CHFR: variants seen among roughly 807,000 people sequenced by gnomAD.
CHFR encodes checkpoint with forkhead and ring finger domains, also known as E3 ubiquitin-protein ligase CHFR.
In CHFR, 57 loss-of-function variants were observed where a neutral mutation model predicts 87.6. That is an observed-to-expected ratio of 0.65 (90% CI 0.53 to 0.81). The LOEUF (loss-of-function observed/expected upper bound fraction) is 0.81. Ranked by LOEUF, CHFR falls within the 30% of genes least tolerant of loss-of-function variation. The pLI, the probability that CHFR is intolerant of heterozygous loss-of-function variation, is 0.00. For synonymous variants in CHFR, 381 were observed against 359.2 expected (o/e 1.06, Z -0.69); for missense variants, 797 against 865.8 (o/e 0.92, Z 1.00).
At chr12:132,857,610 G>A (rs772976116) in intron 8 of CHFR, 51 bp from the exon 9 acceptor site, 49 of 1,577,296 alleles carry the variant, frequency 3.1e-5, no homozygotes, top group Non-Finnish European at 4.1e-5. Context: ...ATGCAACCGC[G>A]ACCCTCGACC....
In CHFR at chr12:132,861,600, A is replaced by G; in HGVS notation, c.618T>C (p.Ser206=). ...CTTCATCACTTGCCACAGAGGGACC[A>G]CTTCCTTTAGGGGAGATGCCACCAC... The part of the protein sequence containing the change: ...SGGGGISPKG[S]GPSVASDEVS... The change falls in exon 7 of 18, where the codon AGT becomes AGC. Residue 206 remains serine, a synonymous_variant. Transcript: ENST00000450056. The G allele has an allele frequency of 6.2e-7, 1 of 1,614,186 alleles. No individual in the cohort carries two copies. The highest frequency in any genetic ancestry group is 1.1e-5 in the South Asian group (1 of 91,088).
At chr12:132,877,199 A>C (rs1566202851) in intron 3 of CHFR, among the ~76,000 whole-genome samples, 2 of 152,178 alleles carry the variant, frequency 1.3e-5, no homozygotes, top group African/African-American at 4.8e-5. Context: ...AAATACTCTT[A>C]CCATTGTGTT....
At chr12:132,845,990 T>C (rs1434079960) in intron 15 of CHFR, among the ~76,000 whole-genome samples, 2 of 152,224 alleles carry the variant, frequency 1.3e-5, no homozygotes, top group South Asian at 4.1e-4. Flanking sequence ...TATGAAGGGC[T>C]GTAGAAGCTC....
rs1165245685 is a variant in CHFR, at chr12:132,840,124, T to C, written c.*1430A>G. 2 of 153,562 alleles carry C rather than the reference T, an allele frequency of 1.3e-5. No individual in the cohort carries two copies. Among genetic ancestry groups the C allele is most frequent in the African/African-American group, 4.8e-5 (2 of 41,472 alleles). 9.5% of individuals were successfully genotyped at this position (153,562 alleles called of 1,614,324 possible). ...AGGGTCTCTGCATTGTGGCTTCTTC[T>C]GGTGCTCAGCTGAAGACAAAGCCTC... On this transcript the variant is annotated 3_prime_UTR_variant, in exon 18 of 18. Coordinates refer to ENST00000450056, the MANE Select transcript of CHFR (RefSeq NM_001161346.2).
intron 14 of CHFR, 57 bp downstream of exon 14, chr12:132,848,028 G>A: frequency 1.2e-6 from 2 of 1,612,776 alleles, no homozygotes; most frequent in Admixed American, 1.7e-5. Flanking sequence ...AGAACCAGCT[G>A]GCTGCACTAG....
intron 10 of CHFR, among the ~76,000 whole-genome samples, chr12:132,855,346 C>G (rs1269357725): frequency 6.6e-6 from 1 of 151,988 alleles, no homozygotes; most frequent in Non-Finnish European, 1.5e-5. Flanking sequence ...CGCTTGAACC[C>G]GGGAGGCGGA....
At chr12:132,859,493 G>A (rs936458602) in intron 7 of CHFR, among the ~76,000 whole-genome samples, 1 of 152,030 alleles carries the variant, frequency 6.6e-6, no homozygotes, top group Non-Finnish European at 1.5e-5. Context: ...TGGGACTACA[G>A]GTGCCCACCA....
In CHFR at chr12:132,843,190, C is replaced by T. The variant is rs551933863; in HGVS notation, c.1844-107G>A. On this transcript the variant is annotated intron_variant, in intron 16 of 17. Transcript: ENST00000450056. The stretch of plus-strand genomic sequence containing the variant: ...CGACAGACGCTGCGGTGGAAACGCA[C>T]GGCCTCTGGTCCCTCCATAACTAGT... 3.5e-4 allele frequency: 329 copies of T among 948,960 alleles called. 4 individuals carry two copies. In the South Asian group the frequency reaches 4.2e-3, roughly 12 times the overall value. 58.8% of individuals were successfully genotyped at this position (948,960 alleles called of 1,614,324 possible).
rs149249950 is a variant in CHFR at position 132,848,576 on chromosome 12, C to T, written c.1576+65G>A. The T allele has an allele frequency of 9.6e-5, 121 of 1,255,506 alleles. No individual in the cohort carries two copies. In the African/African-American group the frequency reaches 1.2e-3, roughly 13 times the overall value. The allele number at this position is 1,255,506 out of a possible 1,614,324, so 77.8% of individuals were successfully genotyped here. A position where few individuals can be genotyped will look rare whatever the true frequency, so the allele number is the denominator to read the frequency against. On this transcript the variant is annotated intron_variant, in intron 13 of 17. Coordinates refer to ENST00000450056, the MANE Select transcript of CHFR (RefSeq NM_001161346.2). ...AGGCTATGGACCCCACCATCCCCTG[C>T]CCTCAAGTTCACCAAGAGAACATGC...
chr12:132,870,843 T>C, intron 4 of CHFR, 60 bp from the exon 5 acceptor site: 1 of 1,029,774 alleles, frequency 9.7e-7, no homozygotes, highest in Non-Finnish European at 1.5e-6. Context: ...GAGAACTCAT[T>C]TTTCTCTTCT....
chr12:132,848,942 A>C, intron 12 of CHFR: 1 of 523,896 alleles, frequency 1.9e-6, no homozygotes, highest in South Asian at 2.9e-5. Flanking sequence ...CGAGGCTCAC[A>C]TTTTCTGGTT....
chr12:132,855,540 G>A (rs776983762), intron 10 of CHFR, among the ~76,000 whole-genome samples: 4 of 151,692 alleles, frequency 2.6e-5, no homozygotes, highest in Admixed American at 1.3e-4. Context: ...GGTGGCATGC[G>A]CCTGTAGTCC....
chr12:132,856,386 C>T, intron 10 of CHFR, 82 bp downstream of exon 10: 1 of 1,459,456 alleles, frequency 6.9e-7, no homozygotes, highest in African/African-American at 1.4e-5. Flanking sequence ...CCCATGCTGT[C>T]CACCCAGTAG....
intron 4 of CHFR, among the ~76,000 whole-genome samples, chr12:132,871,712 C>A (rs892277478): frequency 6.6e-6 from 1 of 151,860 alleles, no homozygotes; most frequent in East Asian, 1.9e-4. Context: ...GTGGAGATTG[C>A]GGTGAGCTGA....
chr12:132,852,543 AG>A (rs1009212988), intron 11 of CHFR, among the ~76,000 whole-genome samples: 6 of 152,170 alleles, frequency 3.9e-5, no homozygotes, highest in African/African-American at 1.4e-4. Flanking sequence ...GCCGGCCATA[AG>A]GACGGCAATT....
At chr12:132,868,645 A>G (rs1951411432) in intron 6 of CHFR, among the ~76,000 whole-genome samples, 1 of 152,268 alleles carries the variant, frequency 6.6e-6, no homozygotes, top group Admixed American at 6.5e-5. Context: ...GCACCACTGC[A>G]CTCCAGCCTG....
chr12:132,860,690 A>G (rs1951192103), intron 7 of CHFR, among the ~76,000 whole-genome samples: 1 of 152,236 alleles, frequency 6.6e-6, no homozygotes, highest in Non-Finnish European at 1.5e-5. Flanking sequence ...AATCATCTTC[A>G]ATGTGAAGAT....
intron 2 of CHFR, among the ~76,000 whole-genome samples, chr12:132,880,560 A>C (rs1011616285): frequency 6.6e-6 from 1 of 152,048 alleles, no homozygotes; most frequent in Non-Finnish European, 1.5e-5. Flanking sequence ...CAGGAGGCTG[A>C]GGCAGAAGAA....
At chr12:132,857,890 C>G (rs999958097) in intron 8 of CHFR, among the ~76,000 whole-genome samples, 1 of 152,218 alleles carries the variant, frequency 6.6e-6, no homozygotes, top group Admixed American at 6.5e-5. Flanking sequence ...CTCCTACGTT[C>G]ATTCTATGCG....
Sources: allele counts gnomAD v4.1 joint callset (sites outside exome capture counted in the v4.1 genomes callset), GRCh38; gene constraint gnomAD v4.1.1; transcripts MANE v1.5; gene names NCBI Gene and HGNC (gene_info 2026-07-23, HGNC 2026-07-21).